DACH1: variants seen among roughly 807,000 people sequenced by gnomAD.
The protein encoded by DACH1 is dachshund family transcription factor 1.
Under a neutral mutation model 54.2 loss-of-function variants are expected in DACH1, and 12 were observed. The ratio of observed to expected loss-of-function variants is 0.22; its 90% CI spans 0.14 to 0.36. The LOEUF (loss-of-function observed/expected upper bound fraction) is 0.36, where lower values mean the gene tolerates loss of function less well. DACH1 is among the 10% of genes least tolerant of loss of function. The pLI is 1.00. For missense variants in DACH1, 805 were observed against 929.8 expected (o/e 0.87, Z 1.75); for synonymous variants, 386 against 366.2 (o/e 1.05, Z -0.62).
In DACH1 at chr13:71,630,452, G is replaced by A. The variant is rs1380363977; in HGVS notation, c.1126+104C>T. The A allele has an allele frequency of 4.2e-6, 6 of 1,435,548 alleles. No individual in the cohort carries two copies. The East Asian group carries it at 1.3e-4, about 30-fold the overall frequency. 88.9% of individuals were successfully genotyped at this position (1,435,548 alleles called of 1,614,324 possible). On this transcript the variant is annotated intron_variant, in intron 3 of 10. Coordinates refer to ENST00000613252, the MANE Select transcript of DACH1 (RefSeq NM_080759.6). ...CATACAGTGTTTTCAAGCTAAAAGT[G>A]CCAACTTTTTGAATGGGTAGCCAAC...
chr13:71,655,569 C>A (rs1182933894), intron 2 of DACH1, among the ~76,000 whole-genome samples: 1 of 151,850 alleles, frequency 6.6e-6, no homozygotes, highest in Non-Finnish European at 1.5e-5. Context: ...CAGGGTTTCT[C>A]CATGTTGGTC....
rs77270964 is a variant in DACH1 at position 71,829,739 on chromosome 13, C to T, written c.848+36183G>A. On this transcript the variant is annotated intron_variant, in intron 1 of 10. Transcript: ENST00000613252. ...TTCCCGGAGAGCAGTATGGTACATG[C>T]TAATGTCAGAAGTGATAAATCAAAG... Among the ~76,000 whole-genome samples the T allele has an allele frequency of 6.7e-3, 1,024 of 151,996 alleles. 16 individuals are homozygous for T. Among genetic ancestry groups the T allele is most frequent in the African/African-American group, 0.024 (976 of 41,484 alleles).
chr13:71,827,131 A>C (rs529255799), intron 1 of DACH1, among the ~76,000 whole-genome samples: 1 of 152,226 alleles, frequency 6.6e-6, no homozygotes, highest in East Asian at 1.9e-4. Context: ...AGAAGAGAAA[A>C]AGCTGGACTT....
intron 2 of DACH1, among the ~76,000 whole-genome samples, chr13:71,631,093 C>G (rs61957854): frequency 0.013 from 1,940 of 152,246 alleles, 16 homozygotes; most frequent in Middle Eastern, 0.068. Context: ...ATCCACAAGG[C>G]CTTTCACAAG....
In DACH1 at chr13:71,839,764, T is replaced by C. The variant is rs989744583; in HGVS notation, c.848+26158A>G. Among the ~76,000 whole-genome samples, 5 of 152,292 alleles carry C rather than the reference T, an allele frequency of 3.3e-5. No homozygotes were observed. The East Asian group carries it at 7.7e-4, about 23-fold the overall frequency. ...AACTCAAAGTCTTCAAAATGGATTA[T>C]TTATGTTCACTAAACCTTCTCCTCC... On this transcript the variant is annotated intron_variant, in intron 1 of 10. Transcript: ENST00000613252.
intron 6 of DACH1, among the ~76,000 whole-genome samples, chr13:71,506,885 C>T (rs1465912419): frequency 6.6e-6 from 1 of 151,208 alleles, no homozygotes; most frequent in African/African-American, 2.4e-5. Flanking sequence ...CCCTTCCTTA[C>T]ACCTTATACA....
In DACH1 at chr13:71,823,972, G is replaced by A. The variant is rs575794471; in HGVS notation, c.848+41950C>T. 1.4e-3 allele frequency among the ~76,000 whole-genome samples: 208 copies of A among 152,012 alleles called. 1 individual carries two copies. The highest frequency in any genetic ancestry group is 2.4e-3 in the Non-Finnish European group (166 of 67,836). On this transcript the variant is annotated intron_variant, in intron 1 of 10. Transcript: ENST00000613252. ...TTATGTAAATTCTGTTAATTTACTG[G>A]ATATCAAGGAGAAATAGCTTACTAA...
At chr13:71,765,684 A>C (rs1416740801) in intron 1 of DACH1, among the ~76,000 whole-genome samples, 1 of 152,100 alleles carries the variant, frequency 6.6e-6, no homozygotes, top group Non-Finnish European at 1.5e-5. Context: ...GCACTGTTGA[A>C]ATGTCTTCAT....
At chr13:71,453,705 A>C (rs372464622) in intron 10 of DACH1, among the ~76,000 whole-genome samples, 6 of 152,174 alleles carry the variant, frequency 3.9e-5, no homozygotes, top group African/African-American at 1.4e-4. Flanking sequence ...ACTGTGGGTG[A>C]ATAAAGTTCT....
intron 6 of DACH1, among the ~76,000 whole-genome samples, chr13:71,540,433 G>A (rs915256975): frequency 2.0e-5 from 3 of 151,988 alleles, no homozygotes; most frequent in African/African-American, 7.2e-5. Context: ...CACATTTAAC[G>A]GGTTTAGAAA....
chr13:71,583,734 G>A (rs1343262083), intron 3 of DACH1, among the ~76,000 whole-genome samples: 6 of 152,154 alleles, frequency 3.9e-5, no homozygotes, highest in African/African-American at 1.4e-4. Context: ...CCAGCTACTT[G>A]GGAGGCAGGA....
intron 1 of DACH1, among the ~76,000 whole-genome samples, chr13:71,838,842 G>A (rs563259489): frequency 9.2e-5 from 14 of 152,324 alleles, no homozygotes; most frequent in Non-Finnish European, 1.3e-4. Context: ...GCTGCATTCC[G>A]TGGAGCCTAC....
intron 1 of DACH1, among the ~76,000 whole-genome samples, chr13:71,719,096 C>T (rs1026509903): frequency 5.9e-4 from 90 of 152,282 alleles, no homozygotes; most frequent in African/African-American, 2.2e-3. Flanking sequence ...CAGACATCTA[C>T]ACATCTTAGT....
rs955073992 is a variant in DACH1, at chr13:71,599,217, A to G, written c.1127-26205T>C. On this transcript the variant is annotated intron_variant, in intron 3 of 10. Transcript: ENST00000613252. Reference sequence around the variant, plus strand: ...ACAGAATGATGGGACTGCACTATTCACATGTTTTAAATAATTTAATACTAC... The same window carrying G: ...ACAGAATGATGGGACTGCACTATTCGCATGTTTTAAATAATTTAATACTAC... Among the ~76,000 whole-genome samples the G allele has an allele frequency of 2.0e-5, 3 of 152,184 alleles. No homozygotes were observed. In the South Asian group the frequency reaches 6.2e-4, roughly 32 times the overall value.
intron 6 of DACH1, among the ~76,000 whole-genome samples, chr13:71,531,671 C>T (rs1038873073): frequency 6.6e-6 from 1 of 151,916 alleles, no homozygotes; most frequent in Non-Finnish European, 1.5e-5. Flanking sequence ...TCCCAATACA[C>T]ATCTGTGGAG....
Position 71,499,033 on chromosome 13 carries a change from G to T in DACH1, c.1571-9885C>A, listed in dbSNP as rs944882606. Among the ~76,000 whole-genome samples the T allele has an allele frequency of 2.0e-5, 3 of 151,854 alleles. No homozygotes were observed. The East Asian group carries it at 5.8e-4, about 29-fold the overall frequency. ...CGGGTATCTGTGTACAGAGGTTTTTGTTCCTTTGACAATTTGAAATTTCTT... is the reference window on the plus strand; with the variant it reads ...CGGGTATCTGTGTACAGAGGTTTTTTTTCCTTTGACAATTTGAAATTTCTT... On this transcript the variant is annotated intron_variant, in intron 6 of 10. Transcript: ENST00000613252.
At chr13:71,610,935 A>G (rs1875282948) in intron 3 of DACH1, among the ~76,000 whole-genome samples, 1 of 152,218 alleles carries the variant, frequency 6.6e-6, no homozygotes. Flanking sequence ...TTAACCTAAA[A>G]TAGGAGAGCA....
intron 3 of DACH1, among the ~76,000 whole-genome samples, chr13:71,610,983 A>G (rs1489664019): frequency 1.3e-5 from 2 of 152,184 alleles, no homozygotes; most frequent in Non-Finnish European, 2.9e-5. Flanking sequence ...TCTCTCTGAC[A>G]TTTGAGCCCC....
chr13:71,602,422 T>C lies in DACH1; in HGVS notation c.1126+28134A>G, dbSNP rs572514292. Among the ~76,000 whole-genome samples the C allele has an allele frequency of 7.2e-5, 11 of 152,126 alleles. 1 individual carries two copies. In the East Asian group the frequency reaches 2.1e-3, roughly 29 times the overall value. On this transcript the variant is annotated intron_variant, in intron 3 of 10. Coordinates refer to ENST00000613252, the MANE Select transcript of DACH1 (RefSeq NM_080759.6). ...TTCTTAATAATGAGTTGACCTTCTA[T>C]TCTCCTTAACCCTTTTTTATCAAAG...
Sources: allele counts gnomAD v4.1 joint callset (sites outside exome capture counted in the v4.1 genomes callset), GRCh38; gene constraint gnomAD v4.1.1; transcripts MANE v1.5; gene names NCBI Gene and HGNC (gene_info 2026-07-23, HGNC 2026-07-21).